Variants in LRRC9 observed in about 807,000 individuals in gnomAD.
LRRC9 encodes the protein leucine-rich repeat-containing protein 9.
Under a neutral mutation model 63.2 loss-of-function variants are expected in LRRC9, and 122 were observed. That is an observed-to-expected ratio of 1.93 (90% CI 1.67 to 2.24). The LOEUF (loss-of-function observed/expected upper bound fraction) is 2.24, where lower values mean the gene tolerates loss of function less well. LRRC9 is among the 30% of genes most tolerant of loss of function. The probability of loss-of-function intolerance (pLI) is 0.00; values close to 1 mark genes in which losing one functional copy is unlikely to be tolerated. For missense variants in LRRC9, 1,071 were observed against 627.7 expected (o/e 1.71, Z -7.55); for synonymous variants, 366 against 213.1 (o/e 1.72, Z -6.25).
chr14:59,980,967 A>G (rs1886864812), intron 15 of LRRC9, among the ~76,000 whole-genome samples: 1 of 151,976 alleles, frequency 6.6e-6, no homozygotes, highest in African/African-American at 2.4e-5. Context: ...CTCTTCTGGA[A>G]AGTTTGCTTC....
chr14:59,922,024 G>C lies in LRRC9; in HGVS notation c.-34+2141G>C, dbSNP rs1307028340. ...ACTTGAACCTGGGAGGCAGAGGTTG[G>C]AGTGAGCCCAGATTGTGCCACTGCA... On this transcript the variant is annotated intron_variant, in intron 1 of 31. Coordinates refer to ENST00000445360, the Ensembl canonical transcript of LRRC9. The surrounding 1 kb of genome is among the most constrained non-coding windows in gnomAD (Gnocchi z 5.3). Among the ~76,000 whole-genome samples the C allele has an allele frequency of 6.6e-6, 1 of 151,700 alleles. No individual in the cohort carries two copies. Among genetic ancestry groups the C allele is most frequent in the Non-Finnish European group, 1.5e-5 (1 of 67,940 alleles).
intron 8 of LRRC9, among the ~76,000 whole-genome samples, chr14:59,959,217 T>C (rs922746463): frequency 1.3e-5 from 2 of 152,180 alleles, no homozygotes; most frequent in Non-Finnish European, 2.9e-5. Flanking sequence ...TTTTAAAATA[T>C]CCAAATTAAT....
exon 18 of LRRC9, chr14:59,997,825 T>G (rs983314638): frequency 7.1e-6 from 5 of 699,490 alleles, no homozygotes; most frequent in Non-Finnish European, 1.3e-5. Context: ...ACTCTTGATA[T>G]TCAACATAAT....
At chr14:60,026,974 C>T (rs953527458) in intron 27 of LRRC9, among the ~76,000 whole-genome samples, 1 of 151,964 alleles carries the variant, frequency 6.6e-6, no homozygotes, top group African/African-American at 2.4e-5. Flanking sequence ...CAAATACAGT[C>T]ACATTTTGAG....
rs188894116 is a variant in LRRC9 at position 60,050,487 on chromosome 14, A to G, written c.3991-2578A>G. Among the ~76,000 whole-genome samples, 20 of 152,186 alleles carry G rather than the reference A, an allele frequency of 1.3e-4. No homozygotes were observed. The East Asian group carries it at 3.9e-3, about 29-fold the overall frequency. The stretch of plus-strand genomic sequence containing the variant: ...CCTGTATTGTTTTATTATGTTTCTT[A>G]GCTTCTTTGCATTGGGTTACAACAT... On this transcript the variant is annotated intron_variant, in intron 29 of 31. Coordinates refer to ENST00000445360, the Ensembl canonical transcript of LRRC9.
rs929634723 is a variant in LRRC9, at chr14:59,928,107, T to G, written c.48+116T>G. ...TTAGTCATTTCCTCTACCTAGTGAC[T>G]TTGGGAAGCAGAGAATAATCATATA... On this transcript the variant is annotated intron_variant, in intron 2 of 31. Coordinates refer to ENST00000445360, the Ensembl canonical transcript of LRRC9. 6.8e-6 allele frequency: 4 copies of G among 587,438 alleles called. No homozygotes were observed. The African/African-American group carries it at 7.6e-5, about 11-fold the overall frequency. The allele number at this position is 587,438 out of a possible 1,614,324, so 36.4% of individuals were successfully genotyped here. A position where few individuals can be genotyped will look rare whatever the true frequency, so the allele number is the denominator to read the frequency against.
chr14:59,922,090 A>T lies in LRRC9; in HGVS notation c.-34+2207A>T, dbSNP rs79545233. On this transcript the variant is annotated intron_variant, in intron 1 of 31. Transcript: ENST00000445360. This position sits in a 1 kb window ranked among gnomAD's most constrained non-coding sequence, Gnocchi z 5.3. ...CAAAGTGAGATTCTGTCTCAAAAAA[A>T]AAATAAATAAATAAATAAGAAAGAA... is the stretch of plus-strand genomic sequence containing the variant. 0.013 allele frequency among the ~76,000 whole-genome samples: 2,024 copies of T among 151,996 alleles called. 164 individuals carry two copies. The East Asian group carries it at 0.24, about 18-fold the overall frequency.
At chr14:60,014,645 G>A (rs768115624) in intron 23 of LRRC9, among the ~76,000 whole-genome samples, 50 of 151,970 alleles carry the variant, frequency 3.3e-4, no homozygotes, top group Non-Finnish European at 6.6e-4. Context: ...TTATAGGTAA[G>A]ATTTAATTCC....
At chr14:60,050,552 T>A (rs773093473) in intron 29 of LRRC9, among the ~76,000 whole-genome samples, 7 of 152,238 alleles carry the variant, frequency 4.6e-5, no homozygotes, top group Non-Finnish European at 1.0e-4. Flanking sequence ...ACCCACCTTC[T>A]GAAGCCTACT....
chr14:59,926,364 C>T (rs1889208562), intron 1 of LRRC9, among the ~76,000 whole-genome samples: 1 of 152,096 alleles, frequency 6.6e-6, no homozygotes, highest in South Asian at 2.1e-4. Context: ...AAATCATCAT[C>T]TTTTTTCTTA....
At chr14:60,049,817 G>A (rs1893742169) in intron 29 of LRRC9, among the ~76,000 whole-genome samples, 1 of 151,908 alleles carries the variant, frequency 6.6e-6, no homozygotes, top group East Asian at 1.9e-4. Flanking sequence ...GCTAGGTTGG[G>A]GAAGTTCTCC....
At chr14:59,921,311 G>A (rs1415389207) in intron 1 of LRRC9, among the ~76,000 whole-genome samples, 1 of 152,160 alleles carries the variant, frequency 6.6e-6, no homozygotes, top group Non-Finnish European at 1.5e-5. Flanking sequence ...TTCCAAAGGG[G>A]TAAAGCATGA....
At chr14:59,976,040 G>A (rs913496276) in intron 13 of LRRC9, among the ~76,000 whole-genome samples, 6 of 152,208 alleles carry the variant, frequency 3.9e-5, no homozygotes, top group Admixed American at 2.0e-4. Context: ...ATAGGGGCGC[G>A]AACCCTATTG....
chr14:59,970,723 A>T (rs540646071), intron 12 of LRRC9, among the ~76,000 whole-genome samples: 1 of 151,976 alleles, frequency 6.6e-6, no homozygotes, highest in Non-Finnish European at 1.5e-5. Flanking sequence ...GGCCACATGT[A>T]TGTCTTCTTT....
chr14:60,022,463 A>C (rs1210186377), intron 26 of LRRC9, among the ~76,000 whole-genome samples: 1 of 151,622 alleles, frequency 6.6e-6, no homozygotes, highest in African/African-American at 2.4e-5. Context: ...ACTCCTTTCC[A>C]ATCTGGATGC....
intron 24 of LRRC9, 90 bp from the exon 25 acceptor site, chr14:60,018,281 C>G: frequency 1.5e-6 from 1 of 670,272 alleles, no homozygotes; most frequent in South Asian, 1.6e-5. Flanking sequence ...TTTTAAATGT[C>G]TTTGGTGGCT....
intron 21 of LRRC9, among the ~76,000 whole-genome samples, chr14:60,005,120 A>C (rs1889709991): frequency 6.6e-6 from 1 of 152,130 alleles, no homozygotes; most frequent in Non-Finnish European, 1.5e-5. Context: ...GCAAGTATTA[A>C]ATATATTTAA....
chr14:59,998,578 A>T (rs1889038106), intron 18 of LRRC9, among the ~76,000 whole-genome samples: 2 of 152,088 alleles, frequency 1.3e-5, no homozygotes, highest in Admixed American at 1.3e-4. Context: ...TTCAGCCTTT[A>T]AAAAGGAAAC....
chr14:60,025,049 C>T (rs534267668), intron 27 of LRRC9, among the ~76,000 whole-genome samples: 57 of 149,040 alleles, frequency 3.8e-4, no homozygotes, highest in African/African-American at 1.1e-3. Context: ...GTGTTTTTTT[C>T]GGTTGGTTTT....
Sources: gnomAD v4.1 joint callset for allele counts (sites outside exome capture counted in the v4.1 genomes callset) on GRCh38, gnomAD v4.1.1 for gene constraint, Gnocchi (gnomAD v3.1) non-coding constraint, MANE v1.5 for transcripts, NCBI Gene and HGNC (gene_info 2026-07-23, HGNC 2026-07-21) for gene names.